Variants in REV1 observed in about 807,000 individuals in gnomAD.
REV1 encodes translesion synthesis protein REV1.
Under a neutral mutation model 137.4 loss-of-function variants are expected in REV1, and 42 were observed. That is an observed-to-expected ratio of 0.31 (90% confidence interval 0.24 to 0.40). The LOEUF (loss-of-function observed/expected upper bound fraction) is 0.40. REV1 is among the 10% of genes least tolerant of loss of function. The pLI, the probability that REV1 is intolerant of heterozygous loss-of-function variation, is 1.00. For missense variants in REV1, 1,282 were observed against 1,490.1 expected (o/e 0.86, Z 2.30); for synonymous variants, 524 against 519.2 (o/e 1.01, Z -0.12).
At position 99,406,409 on chromosome 2, in the gene REV1, G is replaced by C. The variant is rs760779228; in HGVS notation, c.2530C>G (p.His844Asp). 27 of 1,613,840 alleles carry C rather than the reference G, an allele frequency of 1.7e-5. 1 individual carries two copies. The South Asian group carries it at 3.0e-4, about 18-fold the overall frequency. ...CPSRPSVQSS[H>D]FPSGSYSVRD... ...ACAGAGTATGACCCACTAGGAAAGT[G>C]GCTTGACTGAACTGATGGGCGACTG... Residue 844 changes from histidine to aspartate, a missense_variant, in exon 16 of 23, where the codon CAC becomes GAC. By Grantham distance (81) the His-to-Asp change is moderately conservative. Coordinates refer to ENST00000258428, the MANE Select transcript of REV1 (RefSeq NM_016316.4).
intron 1 of REV1, among the ~76,000 whole-genome samples, chr2:99,483,340 A>C (rs1245440382): frequency 2.0e-5 from 3 of 152,236 alleles, no homozygotes; most frequent in Non-Finnish European, 4.4e-5. Context: ...TGTAAGATGC[A>C]GCCATTATTT....
chr2:99,488,096 T>C lies in REV1; in HGVS notation c.-11+1721A>G, dbSNP rs563378234. On this transcript the variant is annotated intron_variant, in intron 1 of 22. Transcript: ENST00000258428. ...CAGAAATCTAACCTCCATGTAACTG[T>C]GAACTTCCTGTCTTTCCACTACAGC... 3.4e-5 allele frequency among the ~76,000 whole-genome samples: 4 copies of C among 118,808 alleles called. 2 individuals carry two copies. The highest frequency in any genetic ancestry group is 7.3e-5 in the Non-Finnish European group (4 of 54,572). The allele number at this position is 118,808 out of a possible 152,430, so 77.9% of individuals were successfully genotyped here.
chr2:99,483,980 C>T (rs998894252), intron 1 of REV1, among the ~76,000 whole-genome samples: 3 of 152,038 alleles, frequency 2.0e-5, no homozygotes, highest in African/African-American at 7.2e-5. Flanking sequence ...GATATTCTTA[C>T]AAATTAAAAA....
intron 14 of REV1, 77 bp downstream of exon 14, chr2:99,410,618 G>A (rs545778730): frequency 9.2e-6 from 12 of 1,305,440 alleles, no homozygotes; most frequent in Non-Finnish European, 1.3e-5. Flanking sequence ...CTCCTCCTTG[G>A]TTTTCTTCAT....
At chr2:99,420,240 G>A (rs893005173) in intron 11 of REV1, among the ~76,000 whole-genome samples, 5 of 152,130 alleles carry the variant, frequency 3.3e-5, no homozygotes, top group African/African-American at 1.2e-4. Flanking sequence ...TCTGTATCTC[G>A]CAGTGTTTTG....
At chr2:99,441,163 A>G (rs776170038) in intron 5 of REV1, among the ~76,000 whole-genome samples, 1 of 152,202 alleles carries the variant, frequency 6.6e-6, no homozygotes, top group Non-Finnish European at 1.5e-5. Flanking sequence ...TTTGCTATAT[A>G]CCTTGATAGC....
At chr2:99,409,285 G>A (rs1250046530) in intron 14 of REV1, among the ~76,000 whole-genome samples, 1 of 152,116 alleles carries the variant, frequency 6.6e-6, no homozygotes, top group Non-Finnish European at 1.5e-5. Flanking sequence ...GGTAACTTGG[G>A]AGTTTCTCTG....
intron 12 of REV1, among the ~76,000 whole-genome samples, chr2:99,416,414 G>C (rs1677865245): frequency 6.6e-6 from 1 of 152,204 alleles, no homozygotes; most frequent in Non-Finnish European, 1.5e-5. Flanking sequence ...AGTAACAATG[G>C]AGAAGGGAGA....
chr2:99,455,760 T>C (rs889350599), intron 3 of REV1, among the ~76,000 whole-genome samples: 6 of 152,250 alleles, frequency 3.9e-5, no homozygotes, highest in Admixed American at 3.3e-4. Flanking sequence ...ACCACATTTG[T>C]ATGTTTAGAA....
intron 1 of REV1, among the ~76,000 whole-genome samples, chr2:99,467,547 T>C (rs1000713187): frequency 2.0e-5 from 3 of 152,164 alleles, no homozygotes; most frequent in African/African-American, 2.4e-5. Flanking sequence ...CTGAGAACAT[T>C]TGGCAATCCT....
chr2:99,417,726 G>A (rs973961248), intron 12 of REV1, among the ~76,000 whole-genome samples: 4 of 152,198 alleles, frequency 2.6e-5, no homozygotes, highest in African/African-American at 9.6e-5. Context: ...ACCCCAGTCT[G>A]TGGTACTTTG....
chr2:99,490,132 C>T (rs1378991013), upstream of REV1: 6 of 132,772 alleles, frequency 4.5e-5, no homozygotes, highest in South Asian at 2.3e-4. Context: ...GCTCTGCTCC[C>T]CCCGGCCCGG....
At position 99,411,156 on chromosome 2, in the gene REV1, C is replaced by T. The variant is rs28382950; in HGVS notation, c.2173-289G>A. Among the ~76,000 whole-genome samples, 703 of 151,982 alleles carry T rather than the reference C, an allele frequency of 4.6e-3. 6 individuals are homozygous for T. Among genetic ancestry groups the T allele is most frequent in the African/African-American group, 0.016 (680 of 41,446 alleles). On this transcript the variant is annotated intron_variant, in intron 13 of 22. Coordinates refer to ENST00000258428, the MANE Select transcript of REV1 (RefSeq NM_016316.4). ...TGCAAAAATTAGCCTGGCGTGGTGG[C>T]GGGTGCCTGTAATCGCAGCTACTCA...
At chr2:99,448,902 T>C (rs1258158700) in intron 4 of REV1, among the ~76,000 whole-genome samples, 2 of 152,204 alleles carry the variant, frequency 1.3e-5, no homozygotes, top group Admixed American at 1.3e-4. Context: ...TAGGCTATAG[T>C]ATTATCAACA....
intron 14 of REV1, among the ~76,000 whole-genome samples, chr2:99,410,211 A>C (rs1486788992): frequency 6.6e-6 from 1 of 152,078 alleles, no homozygotes; most frequent in African/African-American, 2.4e-5. Context: ...GAGTTTCACC[A>C]TGTTGGCCAG....
At chr2:99,490,085 C>CCGGCCCCGCGCACGCCCCCTCCG (rs555877839), upstream of REV1, 1 of 144,548 alleles carries the variant, frequency 6.9e-6, no homozygotes, top group Non-Finnish European at 1.5e-5. Flanking sequence ...CGCGCGCTCC[C>CCGGCCCCGCGCACGCCCCCTCCG]CGGCCCCGCT....
intron 1 of REV1, among the ~76,000 whole-genome samples, chr2:99,478,033 G>A (rs1575240288): frequency 6.6e-6 from 1 of 152,188 alleles, no homozygotes; most frequent in African/African-American, 2.4e-5. Context: ...AGGAGTTCGA[G>A]ACCAGCCTGG....
intron 1 of REV1, 34 bp from the exon 2 acceptor site, chr2:99,465,019 T>C: frequency 6.8e-7 from 1 of 1,480,124 alleles, no homozygotes; most frequent in African/African-American, 1.4e-5. Flanking sequence ...ATGTCAATTT[T>C]ATAACATAAT....
At chr2:99,430,009 C>T (rs956202452) in intron 8 of REV1, 61 bp from the exon 9 acceptor site, 5 of 1,054,896 alleles carry the variant, frequency 4.7e-6, no homozygotes, top group Non-Finnish European at 6.6e-6. Context: ...CTCACTTTTT[C>T]AAGAAATTTG....
Sources: allele counts gnomAD v4.1 joint callset (sites outside exome capture counted in the v4.1 genomes callset), GRCh38; gene constraint gnomAD v4.1.1; transcripts MANE v1.5; gene names NCBI Gene and HGNC (gene_info 2026-07-23, HGNC 2026-07-21).